Variants in CFAP77 observed in about 807,000 individuals in gnomAD.
The protein encoded by CFAP77 is cilia and flagella associated protein 77, also known as cilia- and flagella-associated protein 77.
A neutral mutation model predicts 31.1 loss-of-function variants in CFAP77; 25 were observed. That is an observed-to-expected ratio of 0.80 (90% CI 0.59 to 1.12). The LOEUF (loss-of-function observed/expected upper bound fraction) is 1.12. Ranked by LOEUF, CFAP77 falls within the 50% of genes most tolerant of loss-of-function variation. The pLI is 0.00. For synonymous variants in CFAP77, 151 were observed against 159.9 expected (o/e 0.94, Z 0.42); for missense variants, 377 against 397.3 (o/e 0.95, Z 0.44).
rs1334450768 is a variant in CFAP77 at position 132,545,317 on chromosome 9, G to A, written c.732+2270G>A. ...TCAGAACAAGAGTCCTGACCAGGTG[G>A]TGCAGATGAAAGGCAGAGGGGGAGC... is the stretch of plus-strand genomic sequence containing the variant. On this transcript the variant is annotated intron_variant, in intron 5 of 5. Transcript: ENST00000393216. This position sits in a 1 kb window ranked among gnomAD's most constrained non-coding sequence, Gnocchi z 4.6. 6.6e-6 allele frequency among the ~76,000 whole-genome samples: 1 copy of A among 152,224 alleles called. No homozygotes were observed.
At chr9:132,414,063 T>C (rs1462068337) in intron 1 of CFAP77, among the ~76,000 whole-genome samples, 1 of 152,160 alleles carries the variant, frequency 6.6e-6, no homozygotes, top group African/African-American at 2.4e-5. Flanking sequence ...GAGACTAAGG[T>C]CTCCTGGCTT....
chr9:132,523,606 A>G (rs1464306999), intron 3 of CFAP77, among the ~76,000 whole-genome samples: 1 of 152,178 alleles, frequency 6.6e-6, no homozygotes, highest in East Asian at 1.9e-4. Context: ...TGGGAGGCAC[A>G]GGGGGGTCCG....
At chr9:132,422,159 C>A (rs147709930) in intron 1 of CFAP77, among the ~76,000 whole-genome samples, 1 of 152,206 alleles carries the variant, frequency 6.6e-6, no homozygotes, top group Non-Finnish European at 1.5e-5. Context: ...CAGGCTCACA[C>A]GACCATGCCC....
chr9:132,429,236 G>T (rs1325341688), intron 1 of CFAP77, among the ~76,000 whole-genome samples: 7 of 151,666 alleles, frequency 4.6e-5, no homozygotes, highest in African/African-American at 1.5e-4. Context: ...GCTACATGAG[G>T]GTATCTTTAA....
chr9:132,531,378 G>A (rs1852445720), intron 3 of CFAP77, among the ~76,000 whole-genome samples: 1 of 152,202 alleles, frequency 6.6e-6, no homozygotes, highest in Admixed American at 6.5e-5. Flanking sequence ...CCCCCCGCGT[G>A]GGAGGGCGCC....
intron 1 of CFAP77, among the ~76,000 whole-genome samples, chr9:132,451,924 C>G (rs896616708): frequency 6.6e-6 from 1 of 151,844 alleles, no homozygotes; most frequent in African/African-American, 2.4e-5. Flanking sequence ...CCTGCCTCAG[C>G]CTCCTGAGCA....
intron 1 of CFAP77, among the ~76,000 whole-genome samples, chr9:132,486,078 A>G (rs1345407716): frequency 5.7e-5 from 1 of 17,544 alleles, no homozygotes; most frequent in Non-Finnish European, 8.8e-5. Flanking sequence ...ATATATATAT[A>G]TATATATATA....
intron 1 of CFAP77, among the ~76,000 whole-genome samples, chr9:132,413,720 T>C (rs952241940): frequency 2.6e-5 from 4 of 152,154 alleles, no homozygotes; most frequent in African/African-American, 9.7e-5. Flanking sequence ...CTTGGTTTGC[T>C]CCCCTGACAG....
chr9:132,552,326 C>T lies in CFAP77; in HGVS notation c.732+9279C>T, dbSNP rs1474433790. ...CAAAGCCTCTGGGAGGGACGAGGCC[C>T]TGGAAGCTGCTCCTTTAGATGAGTT... On this transcript the variant is annotated intron_variant, in intron 5 of 5. Coordinates refer to ENST00000393216, the MANE Select transcript of CFAP77 (RefSeq NM_001282957.2). This position sits in a 1 kb window ranked among gnomAD's most constrained non-coding sequence, Gnocchi z 5.5. 2.0e-5 allele frequency among the ~76,000 whole-genome samples: 3 copies of T among 152,240 alleles called. No homozygotes were observed. Among genetic ancestry groups the T allele is most frequent in the Admixed American group, 6.5e-5 (1 of 15,282 alleles).
At chr9:132,410,521 C>T in intron 1 of CFAP77, 55 bp downstream of exon 1, 1 of 1,443,074 alleles carries the variant, frequency 6.9e-7, no homozygotes, top group Non-Finnish European at 9.2e-7. Context: ...GGCACCTGCG[C>T]CGCCGGGGGT....
At chr9:132,562,221 A>G (rs1172593392) in intron 5 of CFAP77, among the ~76,000 whole-genome samples, 1 of 152,152 alleles carries the variant, frequency 6.6e-6, no homozygotes, top group Non-Finnish European at 1.5e-5. Context: ...GCCCTCCCTC[A>G]CCCCAGGTCA....
rs1829983569 is a variant in CFAP77 at position 132,573,022 on chromosome 9, C to T, written c.*512C>T. 1 of 153,148 alleles carries T rather than the reference C, an allele frequency of 6.5e-6. No individual in the cohort carries two copies. The highest frequency in any genetic ancestry group is 1.5e-5 in the Non-Finnish European group (1 of 68,758). 9.5% of individuals were successfully genotyped at this position (153,148 alleles called of 1,614,324 possible). The stretch of plus-strand genomic sequence containing the variant: ...CGGCAGTATTATCTCTCTGGGACCT[C>T]TGACAGCAGGAAGAGCCAATGGTTC... On this transcript the variant is annotated 3_prime_UTR_variant, in exon 6 of 6. Coordinates refer to ENST00000393216, the MANE Select transcript of CFAP77 (RefSeq NM_001282957.2).
At chr9:132,512,137 C>A (rs1852051889) in intron 3 of CFAP77, among the ~76,000 whole-genome samples, 1 of 152,188 alleles carries the variant, frequency 6.6e-6, no homozygotes, top group Admixed American at 6.5e-5. Context: ...CAGGGCCACG[C>A]TCCCTCTGCG....
At chr9:132,419,363 T>G (rs1850167826) in intron 1 of CFAP77, among the ~76,000 whole-genome samples, 1 of 152,152 alleles carries the variant, frequency 6.6e-6, no homozygotes, top group African/African-American at 2.4e-5. Context: ...TGGCTGGTTG[T>G]TTGTAACCAA....
At chr9:132,471,689 T>TTTG (rs1851262072) in intron 1 of CFAP77, among the ~76,000 whole-genome samples, 1 of 148,436 alleles carries the variant, frequency 6.7e-6, no homozygotes, top group East Asian at 2.0e-4. Flanking sequence ...GGGGGTTGTT[T>TTTG]TTGTTTTGTT....
rs573662100 is a variant in CFAP77, at chr9:132,517,196, G to C, written c.524+17596G>C. Among the ~76,000 whole-genome samples, 4 of 152,128 alleles carry C rather than the reference G, an allele frequency of 2.6e-5. No individual in the cohort carries two copies. The highest frequency in any genetic ancestry group is 6.5e-5 in the Admixed American group (1 of 15,278). ...CCCTCCTCCCAAACCAGCCATCTAC[G>C]GTCTCAGGCCCAGCCTCAGAGGCCA... On this transcript the variant is annotated intron_variant, in intron 3 of 5. Transcript: ENST00000393216. The surrounding 1 kb of genome is among the most constrained non-coding windows in gnomAD (Gnocchi z 4.7).
intron 3 of CFAP77, among the ~76,000 whole-genome samples, chr9:132,532,651 G>A (rs577419131): frequency 5.9e-5 from 9 of 152,296 alleles, no homozygotes; most frequent in African/African-American, 2.2e-4. Context: ...CCTGGGAGAC[G>A]CTTCCCCTCT....
At chr9:132,489,507 A>C (rs1851618469) in intron 1 of CFAP77, among the ~76,000 whole-genome samples, 1 of 152,182 alleles carries the variant, frequency 6.6e-6, no homozygotes, top group Non-Finnish European at 1.5e-5. Flanking sequence ...TTCAGGGAGA[A>C]GCAAAAACAC....
intron 1 of CFAP77, among the ~76,000 whole-genome samples, chr9:132,484,530 C>T (rs928395970): frequency 2.0e-5 from 3 of 152,282 alleles, no homozygotes; most frequent in Non-Finnish European, 2.9e-5. Context: ...TAGCATAATG[C>T]TTTCAGGATC....
Sources: allele counts gnomAD v4.1 joint callset (sites outside exome capture counted in the v4.1 genomes callset), GRCh38; gene constraint gnomAD v4.1.1; non-coding constraint Gnocchi (gnomAD v3.1); transcripts MANE v1.5; gene names NCBI Gene and HGNC (gene_info 2026-07-23, HGNC 2026-07-21).